ANO10: variants seen among roughly 807,000 people sequenced by gnomAD.
ANO10 encodes the protein anoctamin 10, also known as anoctamin-10.
ANO10 carries 77 observed loss-of-function variants against 74.7 expected under a neutral mutation model. The ratio of observed to expected loss-of-function variants is 1.03; its 90% CI spans 0.86 to 1.25. The LOEUF is 1.25. ANO10 is among the 50% of genes most tolerant of loss of function. ANO10 has a pLI of 0.00. For synonymous variants in ANO10, 279 were observed against 284.9 expected (o/e 0.98, Z 0.21); for missense variants, 721 against 778.1 (o/e 0.93, Z 0.87).
In ANO10 at chr3:43,669,740, A is replaced by G. The variant is rs1313129741; in HGVS notation, c.-12+21777T>C. Among the ~76,000 whole-genome samples, 11 of 151,858 alleles carry G rather than the reference A, an allele frequency of 7.2e-5. 1 individual carries two copies. The highest frequency in any genetic ancestry group is 1.6e-4 in the Non-Finnish European group (11 of 67,978). On this transcript the variant is annotated intron_variant, in intron 1 of 3. Transcript: ENST00000413397. ...TTTTTATTTATTTATTTATTTATTT[A>G]TTTAGAAATGGAGTTTTTGCTCATC...
intron 11 of ANO10, among the ~76,000 whole-genome samples, chr3:43,513,112 C>T (rs900733281): frequency 6.6e-6 from 1 of 152,178 alleles, no homozygotes; most frequent in Non-Finnish European, 1.5e-5. Context: ...CTTACCAGCA[C>T]ACGTATGTGA....
chr3:43,620,801 A>G (rs2083356828), intron 1 of ANO10, among the ~76,000 whole-genome samples: 1 of 152,250 alleles, frequency 6.6e-6, no homozygotes, highest in African/African-American at 2.4e-5. Flanking sequence ...AGTGGGTTTA[A>G]GTGCATTTAC....
intron 11 of ANO10, among the ~76,000 whole-genome samples, chr3:43,504,563 T>A (rs2077223669): frequency 6.6e-6 from 1 of 151,786 alleles, no homozygotes; most frequent in African/African-American, 2.4e-5. Context: ...TTACTGTTCA[T>A]AAAAAAAACA....
At chr3:43,545,788 C>T (rs952684019) in intron 11 of ANO10, among the ~76,000 whole-genome samples, 10 of 152,020 alleles carry the variant, frequency 6.6e-5, no homozygotes, top group Non-Finnish European at 1.5e-4. Flanking sequence ...TATGTATATC[C>T]TATGAAATGA....
intron 11 of ANO10, among the ~76,000 whole-genome samples, chr3:43,549,180 G>GTAACCTTGAACTC (rs1234263353): frequency 6.6e-5 from 10 of 151,754 alleles, no homozygotes; most frequent in Non-Finnish European, 2.9e-5. Context: ...ATAGCTCACT[G>GTAACCTTGAACTC]TAACCTTGAA....
intron 1 of ANO10, among the ~76,000 whole-genome samples, chr3:43,663,442 TG>T (rs1013935771): frequency 1.3e-5 from 2 of 152,184 alleles, no homozygotes; most frequent in African/African-American, 4.8e-5. Flanking sequence ...TCATACTGAA[TG>T]GGCAAAAACT....
intron 12 of ANO10, among the ~76,000 whole-genome samples, chr3:43,431,029 T>A (rs1235087565): frequency 1.3e-5 from 2 of 151,962 alleles, no homozygotes; most frequent in African/African-American, 4.8e-5. Context: ...CAAATTTTTT[T>A]ATTTTTAATA....
chr3:43,472,336 C>T (rs1006657058), intron 11 of ANO10: 1 of 151,934 alleles, frequency 6.6e-6, no homozygotes, highest in African/African-American at 2.4e-5. Flanking sequence ...ACACACAGGT[C>T]TTTACACCAA....
chr3:43,588,765 G>A (rs751882805), intron 4 of ANO10, among the ~76,000 whole-genome samples: 5 of 151,940 alleles, frequency 3.3e-5, no homozygotes, highest in Non-Finnish European at 5.9e-5. Context: ...AGCAAGATGA[G>A]GAATAATATT....
At chr3:43,670,898 G>A (rs1319040155) in intron 1 of ANO10, among the ~76,000 whole-genome samples, 1 of 152,214 alleles carries the variant, frequency 6.6e-6, no homozygotes, top group Admixed American at 6.5e-5. Flanking sequence ...AGCAAAGCAA[G>A]TGTGTGGTGA....
intron 11 of ANO10, among the ~76,000 whole-genome samples, chr3:43,481,593 T>C (rs2076270667): frequency 6.6e-6 from 1 of 152,128 alleles, no homozygotes; most frequent in Non-Finnish European, 1.5e-5. Context: ...AACAGAGACC[T>C]TAAGACTGAC....
At position 43,593,185 on chromosome 3, in the gene ANO10, T is replaced by G. The variant is rs2081889680; in HGVS notation, c.472+5347A>C. 5.3e-5 allele frequency among the ~76,000 whole-genome samples: 8 copies of G among 152,166 alleles called. No homozygotes were observed. In the South Asian group the frequency reaches 1.7e-3, roughly 32 times the overall value. ...AATGGAAACAAGTTGGAAACACTCT[T>G]CAGGATATTATCCAAGAGAACTTCC... On this transcript the variant is annotated intron_variant, in intron 4 of 12. Coordinates refer to ENST00000292246, the MANE Select transcript of ANO10 (RefSeq NM_018075.5).
Position 43,487,753 on chromosome 3 carries a change from C to A in ANO10, c.1798-55026G>T, listed in dbSNP as rs527576845. Among the ~76,000 whole-genome samples, 115 of 152,030 alleles carry A rather than the reference C, an allele frequency of 7.6e-4. 1 individual carries two copies. The highest frequency in any genetic ancestry group is 2.7e-3 in the African/African-American group (111 of 41,438). ...AATTTTGTTGATCCTTTCAAAAAAC[C>A]AGCTCCTGGATTCATTAATTTTTCG... On this transcript the variant is annotated intron_variant, in intron 11 of 12. Transcript: ENST00000292246.
At chr3:43,522,106 A>G (rs2077983289) in intron 11 of ANO10, among the ~76,000 whole-genome samples, 1 of 152,136 alleles carries the variant, frequency 6.6e-6, no homozygotes, top group African/African-American at 2.4e-5. Flanking sequence ...CATCACAGAG[A>G]CAGAAAGTAA....
chr3:43,649,443 G>A (rs916421728), intron 1 of ANO10, among the ~76,000 whole-genome samples: 3 of 152,152 alleles, frequency 2.0e-5, no homozygotes, highest in Non-Finnish European at 4.4e-5. Flanking sequence ...ACTGTCTAGG[G>A]TTAAGGGAAA....
chr3:43,467,317 A>G (rs1165394339), intron 11 of ANO10, among the ~76,000 whole-genome samples: 1 of 152,268 alleles, frequency 6.6e-6, no homozygotes, highest in Non-Finnish European at 1.5e-5. Context: ...TGCCTCATTC[A>G]TAACGGTAAA....
chr3:43,564,811 T>A (rs76414965), intron 8 of ANO10, among the ~76,000 whole-genome samples: 3,461 of 152,270 alleles, frequency 0.023, 65 homozygotes, highest in Admixed American at 0.034. Context: ...AATGTTTCCA[T>A]CACACCCCAC....
intron 11 of ANO10, among the ~76,000 whole-genome samples, chr3:43,470,213 A>C (rs901351947): frequency 6.6e-6 from 1 of 152,244 alleles, no homozygotes; most frequent in Non-Finnish European, 1.5e-5. Context: ...GATACTGCTA[A>C]GTAAAAGGAG....
At chr3:43,577,381 C>G in intron 5 of ANO10, 120 bp from the exon 6 acceptor site, 1 of 987,736 alleles carries the variant, frequency 1.0e-6, no homozygotes, top group South Asian at 1.4e-5. Context: ...ACTTCCCAAA[C>G]AGCGTGTGGT....
Sources: allele counts gnomAD v4.1 joint callset (sites outside exome capture counted in the v4.1 genomes callset), GRCh38; gene constraint gnomAD v4.1.1; transcripts MANE v1.5; gene names NCBI Gene and HGNC (gene_info 2026-07-23, HGNC 2026-07-21).